FAM13A: variants seen among roughly 807,000 people sequenced by gnomAD.
FAM13A encodes the protein protein FAM13A.
FAM13A carries 76 observed loss-of-function variants against 129.6 expected under a neutral mutation model. The ratio of observed to expected loss-of-function variants is 0.59; its 90% CI spans 0.49 to 0.71. The LOEUF (loss-of-function observed/expected upper bound fraction) is 0.71, where lower values mean the gene tolerates loss of function less well. Among genes scored for constraint, FAM13A ranks in the 30% least tolerant of loss-of-function variants. The pLI is 0.00. For missense variants in FAM13A, 1,108 were observed against 1,249.3 expected (o/e 0.89, Z 1.70); for synonymous variants, 443 against 449.9 (o/e 0.98, Z 0.20).
At chr4:88,957,572 A>G (rs1757952798) in intron 4 of FAM13A, among the ~76,000 whole-genome samples, 1 of 152,236 alleles carries the variant, frequency 6.6e-6, no homozygotes, top group East Asian at 1.9e-4. Context: ...AAGGATGGGC[A>G]TTGCTCTAAA....
intron 1 of FAM13A, among the ~76,000 whole-genome samples, chr4:89,043,128 ACT>A (rs1770372383): frequency 1.3e-5 from 2 of 152,184 alleles, no homozygotes; most frequent in African/African-American, 4.8e-5. Context: ...AAGCTTTCAA[ACT>A]CTCCTACAAA....
At chr4:89,017,229 G>A (rs542457503) in intron 3 of FAM13A, among the ~76,000 whole-genome samples, 3 of 152,130 alleles carry the variant, frequency 2.0e-5, no homozygotes, top group South Asian at 4.2e-4. Flanking sequence ...TCTAACCAGA[G>A]ATTTTAAGGG....
At chr4:88,732,650 C>T (rs1419410542) in intron 21 of FAM13A, 2 of 151,276 alleles carry the variant, frequency 1.3e-5, no homozygotes, top group Admixed American at 6.6e-5. Context: ...AAAAATCAGT[C>T]TGAACATTTT....
chr4:88,871,102 A>C (rs946064607), intron 6 of FAM13A, among the ~76,000 whole-genome samples: 2 of 152,230 alleles, frequency 1.3e-5, no homozygotes, highest in Admixed American at 6.5e-5. Flanking sequence ...TAGCATCAAC[A>C]TCAACAATAA....
At chr4:88,867,045 C>A (rs1451761997) in intron 6 of FAM13A, among the ~76,000 whole-genome samples, 4 of 152,134 alleles carry the variant, frequency 2.6e-5, no homozygotes, top group African/African-American at 9.7e-5. Context: ...TATAAAGTTG[C>A]CATGAACACT....
chr4:88,821,964 AT>A (rs773437559), intron 7 of FAM13A, among the ~76,000 whole-genome samples: 2 of 152,216 alleles, frequency 1.3e-5, no homozygotes, highest in Non-Finnish European at 2.9e-5. Context: ...CTTATTTTTC[AT>A]TGCTAAAACA....
At chr4:88,947,149 C>T (rs1290833530) in intron 4 of FAM13A, among the ~76,000 whole-genome samples, 1 of 152,104 alleles carries the variant, frequency 6.6e-6, no homozygotes, top group East Asian at 1.9e-4. Context: ...TGGCTCATGC[C>T]TGTAATCCCA....
At chr4:88,821,101 G>C (rs1433370978) in intron 7 of FAM13A, among the ~76,000 whole-genome samples, 2 of 152,094 alleles carry the variant, frequency 1.3e-5, no homozygotes, top group Non-Finnish European at 2.9e-5. Flanking sequence ...TACCAAACTG[G>C]GATTTGAAGA....
At chr4:89,041,458 C>T (rs982087360) in intron 1 of FAM13A, among the ~76,000 whole-genome samples, 5 of 152,166 alleles carry the variant, frequency 3.3e-5, no homozygotes, top group Non-Finnish European at 7.3e-5. Flanking sequence ...TGGATGATGA[C>T]TTTAAGCAGT....
intron 11 of FAM13A, among the ~76,000 whole-genome samples, chr4:88,770,752 G>A (rs1720519736): frequency 6.6e-6 from 1 of 152,060 alleles, no homozygotes; most frequent in African/African-American, 2.4e-5. Flanking sequence ...AATAAAGTTA[G>A]TTAGGTCACA....
chr4:88,881,596 A>G (rs571795529), intron 6 of FAM13A, among the ~76,000 whole-genome samples: 8 of 152,356 alleles, frequency 5.3e-5, no homozygotes, highest in African/African-American at 1.9e-4. Flanking sequence ...AGATCATGCT[A>G]GCTCACCAGG....
At chr4:88,861,380 C>CAAAAA (rs373411738) in intron 6 of FAM13A, among the ~76,000 whole-genome samples, 4 of 83,854 alleles carry the variant, frequency 4.8e-5, no homozygotes, top group Non-Finnish European at 7.9e-5. Context: ...GACTCCGTCT[C>CAAAAA]AAAAAAAAAA....
At chr4:88,818,304 T>C (rs982200931) in intron 7 of FAM13A, among the ~76,000 whole-genome samples, 1 of 152,116 alleles carries the variant, frequency 6.6e-6, no homozygotes, top group Non-Finnish European at 1.5e-5. Flanking sequence ...TGCCTAGTCC[T>C]ATCACATTCT....
intron 10 of FAM13A, among the ~76,000 whole-genome samples, chr4:88,785,910 A>G (rs965381893): frequency 6.6e-6 from 1 of 152,158 alleles, no homozygotes; most frequent in African/African-American, 2.4e-5. Flanking sequence ...TGATTTGACC[A>G]GGAGGAGTGG....
intron 11 of FAM13A, among the ~76,000 whole-genome samples, chr4:88,777,394 A>C (rs1721976905): frequency 6.6e-6 from 1 of 152,212 alleles, no homozygotes; most frequent in African/African-American, 2.4e-5. Flanking sequence ...TCAGCTCTTC[A>C]AAGTAAAAGA....
At chr4:88,983,246 T>C (rs1055298004) in intron 4 of FAM13A, among the ~76,000 whole-genome samples, 2 of 152,048 alleles carry the variant, frequency 1.3e-5, no homozygotes, top group African/African-American at 2.4e-5. Flanking sequence ...GGTAAAATAA[T>C]AGTGAAAATG....
rs547374527 is a variant in FAM13A at position 88,788,035 on chromosome 4, A to G, written c.1092-103T>C. 65 of 855,602 alleles carry G rather than the reference A, an allele frequency of 7.6e-5. 1 individual carries two copies. The South Asian group carries it at 1.2e-3, about 16-fold the overall frequency. The allele number at this position is 855,602 out of a possible 1,614,324, so 53.0% of individuals were successfully genotyped here. ...TTGGGAACATCTGTATTTCCAGTGG[A>G]AAGTCTTTAGAACTTCATAAGCAAA... is the stretch of plus-strand genomic sequence containing the variant. On this transcript the variant is annotated intron_variant, in intron 9 of 23. Transcript: ENST00000264344.
chr4:88,760,603 C>CAAAAAAAAAAAAAAAA (rs745711965), intron 13 of FAM13A, among the ~76,000 whole-genome samples: 3 of 65,842 alleles, frequency 4.6e-5, no homozygotes, highest in African/African-American at 3.0e-4. Flanking sequence ...GACTCCGTCT[C>CAAAAAAAAAAAAAAAA]AAAAAAAAAA....
At chr4:88,934,195 C>G (rs1561375910) in intron 5 of FAM13A, among the ~76,000 whole-genome samples, 1 of 152,130 alleles carries the variant, frequency 6.6e-6, no homozygotes, top group South Asian at 2.1e-4. Flanking sequence ...AAAGGCCAAT[C>G]CTCTACTTCT....
Sources: allele counts gnomAD v4.1 joint callset (sites outside exome capture counted in the v4.1 genomes callset), GRCh38; gene constraint gnomAD v4.1.1; transcripts MANE v1.5; gene names NCBI Gene and HGNC (gene_info 2026-07-23, HGNC 2026-07-21).